Variants in HS6ST3 observed in about 807,000 individuals in gnomAD.
The protein encoded by HS6ST3 is heparan sulfate 6-O-sulfotransferase 3.
A neutral mutation model predicts 36.7 loss-of-function variants in HS6ST3; 12 were observed. The observed-to-expected ratio is 0.33, with a 90% CI of 0.21 to 0.53. The LOEUF (loss-of-function observed/expected upper bound fraction) is 0.53. HS6ST3 is among the 20% of genes least tolerant of loss of function. The probability of loss-of-function intolerance (pLI) is 0.95; values close to 1 mark genes in which losing one functional copy is unlikely to be tolerated. For missense variants in HS6ST3, 584 were observed against 640.9 expected, an observed-to-expected ratio of 0.91 and a Z score of 0.96; for synonymous variants, 240 against 257.5, an observed-to-expected ratio of 0.93 and a Z score of 0.65.
chr13:96,255,004 G>A (rs535112640), intron 1 of HS6ST3, among the ~76,000 whole-genome samples: 13 of 152,250 alleles, frequency 8.5e-5, no homozygotes, highest in Admixed American at 2.6e-4. Context: ...AAATGAACGC[G>A]TCAGAGTAAA....
intron 1 of HS6ST3, among the ~76,000 whole-genome samples, chr13:96,287,022 G>A (rs190604422): frequency 5.9e-5 from 9 of 152,258 alleles, no homozygotes; most frequent in Admixed American, 3.9e-4. Context: ...AGAACACCCA[G>A]CACCCATGGC....
chr13:96,521,148 A>G (rs974337920), intron 1 of HS6ST3, among the ~76,000 whole-genome samples: 2 of 152,204 alleles, frequency 1.3e-5, no homozygotes, highest in African/African-American at 4.8e-5. Context: ...GTGATGAATT[A>G]TGTTTATTGA....
chr13:96,228,963 G>A (rs1458464538), intron 1 of HS6ST3, among the ~76,000 whole-genome samples: 1 of 152,084 alleles, frequency 6.6e-6, no homozygotes, highest in Non-Finnish European at 1.5e-5. Context: ...CAGTGTGGAT[G>A]GAGAAGCAGA....
chr13:96,592,191 A>G (rs2056384766), intron 1 of HS6ST3, among the ~76,000 whole-genome samples: 1 of 152,118 alleles, frequency 6.6e-6, no homozygotes, highest in Non-Finnish European at 1.5e-5. Flanking sequence ...TTTGGTATAA[A>G]GGTAATACTA....
rs181332037 is a variant in HS6ST3, at chr13:96,151,663, G to T, written c.707+60094G>T. Among the ~76,000 whole-genome samples, 8 of 152,310 alleles carry T rather than the reference G, an allele frequency of 5.3e-5. No homozygotes were observed. In the East Asian group the frequency reaches 1.2e-3, roughly 22 times the overall value. ...AATTTATTGTCTCACAGCTCTAGTGGTCAGAAGTCCTAAACCAAGGTGTCG... is the reference window on the plus strand; with the variant it reads ...AATTTATTGTCTCACAGCTCTAGTGTTCAGAAGTCCTAAACCAAGGTGTCG... On this transcript the variant is annotated intron_variant, in intron 1 of 1. Coordinates refer to ENST00000376705, the MANE Select transcript of HS6ST3 (RefSeq NM_153456.4).
intron 1 of HS6ST3, among the ~76,000 whole-genome samples, chr13:96,513,658 T>C (rs2056059959): frequency 1.3e-5 from 2 of 152,136 alleles, no homozygotes; most frequent in Admixed American, 6.6e-5. Context: ...TATAATTTAT[T>C]TGAGGCAACA....
chr13:96,121,829 A>G (rs569683152), intron 1 of HS6ST3, among the ~76,000 whole-genome samples: 1 of 152,132 alleles, frequency 6.6e-6, no homozygotes, highest in South Asian at 2.1e-4. Context: ...GAAACTCACA[A>G]TATTACATGT....
chr13:96,593,929 G>A (rs1358568327), intron 1 of HS6ST3, among the ~76,000 whole-genome samples: 3 of 151,286 alleles, frequency 2.0e-5, no homozygotes, highest in Non-Finnish European at 2.9e-5. Context: ...TACTAGTGAA[G>A]TGAGTATCTT....
intron 1 of HS6ST3, among the ~76,000 whole-genome samples, chr13:96,446,627 TC>T: frequency 6.6e-6 from 1 of 152,162 alleles, no homozygotes; most frequent in South Asian, 2.1e-4. Flanking sequence ...TTTACTGAGT[TC>T]TTATGCAACT....
At chr13:96,791,721 A>G (rs1443415550) in intron 1 of HS6ST3, among the ~76,000 whole-genome samples, 1 of 152,046 alleles carries the variant, frequency 6.6e-6, no homozygotes, top group African/African-American at 2.4e-5. Context: ...CTTCTCATTT[A>G]TCTACTTGGA....
chr13:96,273,222 G>A (rs2054729958), intron 1 of HS6ST3, among the ~76,000 whole-genome samples: 3 of 152,062 alleles, frequency 2.0e-5, no homozygotes, highest in African/African-American at 7.3e-5. Context: ...GCTTCATGAT[G>A]AGGTAGGGCT....
chr13:96,698,457 T>G (rs949842580), intron 1 of HS6ST3, among the ~76,000 whole-genome samples: 1 of 152,002 alleles, frequency 6.6e-6, no homozygotes, highest in Admixed American at 6.6e-5. Context: ...GTTGGACATT[T>G]CCAATAACAC....
chr13:96,237,895 T>A (rs1271275516), intron 1 of HS6ST3, among the ~76,000 whole-genome samples: 1 of 152,200 alleles, frequency 6.6e-6, no homozygotes, highest in East Asian at 1.9e-4. Context: ...TTGTTCTGCC[T>A]CAAAATGTTG....
intron 1 of HS6ST3, among the ~76,000 whole-genome samples, chr13:96,633,232 A>G (rs927839657): frequency 5.3e-5 from 8 of 152,306 alleles, no homozygotes; most frequent in South Asian, 2.1e-4. Flanking sequence ...AGGCATATGC[A>G]TAAAACACAA....
chr13:96,660,676 T>G (rs980836703), intron 1 of HS6ST3, among the ~76,000 whole-genome samples: 1 of 152,178 alleles, frequency 6.6e-6, no homozygotes, highest in Non-Finnish European at 1.5e-5. Context: ...AAGAATTCTA[T>G]TAATATCAAA....
intron 1 of HS6ST3, among the ~76,000 whole-genome samples, chr13:96,296,621 C>T (rs2054856153): frequency 6.6e-6 from 1 of 152,030 alleles, no homozygotes; most frequent in Non-Finnish European, 1.5e-5. Context: ...AAATAATTTA[C>T]TATTTATATA....
chr13:96,137,256 C>T (rs2054007163), intron 1 of HS6ST3, among the ~76,000 whole-genome samples: 1 of 148,154 alleles, frequency 6.7e-6, no homozygotes, highest in African/African-American at 2.5e-5. Context: ...AATCATACCA[C>T]ATGTACTAAT....
At chr13:96,371,725 G>A (rs778510749) in intron 1 of HS6ST3, among the ~76,000 whole-genome samples, 19 of 151,958 alleles carry the variant, frequency 1.3e-4, no homozygotes, top group Non-Finnish European at 1.9e-4. Flanking sequence ...TTTGTTTTTT[G>A]TGTCTGACTT....
intron 1 of HS6ST3, among the ~76,000 whole-genome samples, chr13:96,446,158 G>A (rs1316268471): frequency 2.0e-5 from 3 of 148,346 alleles, no homozygotes; most frequent in Non-Finnish European, 4.4e-5. Flanking sequence ...GGGCGACAGA[G>A]CAAGACTCCA....
Sources: allele counts gnomAD v4.1 joint callset (sites outside exome capture counted in the v4.1 genomes callset), GRCh38; gene constraint gnomAD v4.1.1; transcripts MANE v1.5; gene names NCBI Gene and HGNC (gene_info 2026-07-23, HGNC 2026-07-21).